The following ANKS1B variants were observed in gnomAD, a reference collection of about 807,000 sequenced individuals.
ANKS1B encodes ankyrin repeat and sterile alpha motif domain containing 1B.
A neutral mutation model predicts 148.3 loss-of-function variants in ANKS1B; 36 were observed. The ratio of observed to expected loss-of-function variants is 0.24; its 90% CI spans 0.19 to 0.32. ANKS1B has a LOEUF of 0.32. Among genes scored for constraint, ANKS1B ranks in the 10% least tolerant of loss-of-function variants. ANKS1B has a pLI of 1.00. For synonymous variants in ANKS1B, 542 were observed against 560.8 expected, an observed-to-expected ratio of 0.97 and a Z score of 0.47; for missense variants, 1,157 against 1,542.6, an observed-to-expected ratio of 0.75 and a Z score of 4.19.
intron 14 of ANKS1B, among the ~76,000 whole-genome samples, chr12:99,228,455 T>C (rs1044359660): frequency 6.6e-6 from 1 of 152,048 alleles, no homozygotes; most frequent in Non-Finnish European, 1.5e-5. Flanking sequence ...TCTATCTGTA[T>C]GTGATTGAAT....
chr12:99,241,341 A>C (rs1394396714), intron 14 of ANKS1B, among the ~76,000 whole-genome samples: 1 of 152,212 alleles, frequency 6.6e-6, no homozygotes, highest in Non-Finnish European at 1.5e-5. Flanking sequence ...TCCCAAGACT[A>C]AACCAGGAAG....
intron 12 of ANKS1B, among the ~76,000 whole-genome samples, chr12:99,311,513 T>C (rs2083172729): frequency 1.3e-5 from 2 of 152,132 alleles, no homozygotes; most frequent in Admixed American, 1.3e-4. Context: ...CAAGTATCAA[T>C]ATAGAAGTAA....
At chr12:99,861,441 T>C (rs2089999504) in intron 1 of ANKS1B, among the ~76,000 whole-genome samples, 1 of 152,214 alleles carries the variant, frequency 6.6e-6, no homozygotes, top group Admixed American at 6.5e-5. Context: ...TGTAGAACTT[T>C]ATTCATTTTC....
Position 99,432,784 on chromosome 12 carries a change from A to G in ANKS1B, c.1575+10889T>C, listed in dbSNP as rs929970492. ...GAAGGGCTTTCCAGACAATTCAATG[A>G]TAAGTACAAAGAACCTAAGGCAGGA... On this transcript the variant is annotated intron_variant, in intron 11 of 26. Transcript: ENST00000683438. Among the ~76,000 whole-genome samples, 12 of 152,298 alleles carry G rather than the reference A, an allele frequency of 7.9e-5. 1 individual carries two copies. The highest frequency in any genetic ancestry group is 2.9e-4 in the African/African-American group (12 of 41,556).
chr12:98,744,414 G>T lies in ANKS1B; in HGVS notation c.*1325C>A. ...GACAATTCCACAATTTATCAATATC[G>T]CTATAATGAACTTCAAAATGATTCA... On this transcript the variant is annotated 3_prime_UTR_variant, in exon 27 of 27. Transcript: ENST00000683438. 1 of 863,790 alleles carries T rather than the reference G, an allele frequency of 1.2e-6. No homozygotes were observed. The highest frequency in any genetic ancestry group is 1.4e-6 in the Non-Finnish European group (1 of 719,162). The allele number at this position is 863,790 out of a possible 1,614,324, so 53.5% of individuals were successfully genotyped here.
chr12:99,374,007 G>T (rs1202333517), intron 12 of ANKS1B, among the ~76,000 whole-genome samples: 3 of 152,298 alleles, frequency 2.0e-5, no homozygotes, highest in Non-Finnish European at 4.4e-5. Context: ...TGGATGCTTA[G>T]TGATGTATTT....
chr12:99,305,601 A>T (rs1462308973), intron 12 of ANKS1B, among the ~76,000 whole-genome samples: 1 of 152,126 alleles, frequency 6.6e-6, no homozygotes, highest in East Asian at 1.9e-4. Context: ...GAATCCCTGG[A>T]AATACAAATA....
rs536883706 is a variant in ANKS1B at position 99,270,057 on chromosome 12, TC to T, written c.1757-23194del. On this transcript the variant is annotated intron_variant, in intron 12 of 26. Coordinates refer to ENST00000683438, the MANE Select transcript of ANKS1B (RefSeq NM_001352186.2). The stretch of plus-strand genomic sequence containing the variant: ...ATATTAAAAAATTTAACAAACAGAG[TC>T]CCTTGATTAACAGAGACTGGAGTGA... Among the ~76,000 whole-genome samples the T allele has an allele frequency of 3.2e-4, 49 of 152,056 alleles. No individual in the cohort carries two copies. The East Asian group carries it at 8.9e-3, about 28-fold the overall frequency.
At chr12:98,914,680 C>T (rs868588380) in intron 17 of ANKS1B, among the ~76,000 whole-genome samples, 12 of 152,086 alleles carry the variant, frequency 7.9e-5, no homozygotes, top group South Asian at 2.1e-4. Flanking sequence ...TTTTCTACAT[C>T]GGGGTGTTTG....
intron 9 of ANKS1B, among the ~76,000 whole-genome samples, chr12:99,522,615 A>G (rs915799688): frequency 3.3e-5 from 5 of 152,238 alleles, no homozygotes; most frequent in African/African-American, 1.2e-4. Context: ...AAAAGGTTCT[A>G]TGCTTCAGTA....
intron 17 of ANKS1B, among the ~76,000 whole-genome samples, chr12:98,834,787 A>G (rs1373791287): frequency 6.6e-6 from 1 of 152,240 alleles, no homozygotes; most frequent in African/African-American, 2.4e-5. Context: ...TATACGATCC[A>G]TAGAAATGCC....
At chr12:99,489,982 T>G (rs2096540183) in intron 10 of ANKS1B, among the ~76,000 whole-genome samples, 1 of 152,216 alleles carries the variant, frequency 6.6e-6, no homozygotes, top group South Asian at 2.1e-4. Flanking sequence ...CTAAATCTGA[T>G]AGTTAAATAT....
chr12:99,644,582 G>C (rs2098341217), intron 9 of ANKS1B, among the ~76,000 whole-genome samples: 1 of 152,210 alleles, frequency 6.6e-6, no homozygotes, highest in East Asian at 1.9e-4. Flanking sequence ...AATTCTTCTA[G>C]CTTCTACCCA....
intron 1 of ANKS1B, among the ~76,000 whole-genome samples, chr12:99,835,092 G>T (rs1201185129): frequency 6.6e-6 from 1 of 151,912 alleles, no homozygotes; most frequent in East Asian, 1.9e-4. Context: ...GGTCAAATGG[G>T]TCTATATCAG....
intron 1 of ANKS1B, among the ~76,000 whole-genome samples, chr12:99,840,006 TTCTAG>T (rs2085462745): frequency 1.3e-5 from 2 of 152,158 alleles, no homozygotes; most frequent in African/African-American, 4.8e-5. Flanking sequence ...GTTCTCATTG[TTCTAG>T]TCACTGACAA....
At chr12:99,731,065 C>G (rs1000204954) in intron 8 of ANKS1B, among the ~76,000 whole-genome samples, 2 of 150,444 alleles carry the variant, frequency 1.3e-5, no homozygotes, top group Non-Finnish European at 3.0e-5. Context: ...GCCTCCCTCC[C>G]AAATAGCTGG....
Position 99,351,352 on chromosome 12 carries a change from A to G in ANKS1B, c.1756+48279T>C, listed in dbSNP as rs914379887. On this transcript the variant is annotated intron_variant, in intron 12 of 26. Coordinates refer to ENST00000683438, the MANE Select transcript of ANKS1B (RefSeq NM_001352186.2). ...AATATTTTCTTGTAATTTTAAATTA[A>G]ACTTTTTGGGGGTGGTCTTTTATAA... Among the ~76,000 whole-genome samples, 3 of 152,164 alleles carry G rather than the reference A, an allele frequency of 2.0e-5. No individual in the cohort carries two copies. In the South Asian group the frequency reaches 6.2e-4, roughly 32 times the overall value.
intron 17 of ANKS1B, among the ~76,000 whole-genome samples, chr12:98,856,525 T>C (rs2099572613): frequency 1.3e-5 from 2 of 152,236 alleles, no homozygotes; most frequent in Non-Finnish European, 2.9e-5. Context: ...AAGACTGATT[T>C]GTTAACAAAC....
intron 8 of ANKS1B, among the ~76,000 whole-genome samples, chr12:99,754,142 A>C (rs138058880): frequency 0.012 from 1,810 of 152,264 alleles, 44 homozygotes; most frequent in African/African-American, 0.042. Context: ...CATAGGCTCA[A>C]AATAAAGGGA....
Sources: allele counts gnomAD v4.1 joint callset (sites outside exome capture counted in the v4.1 genomes callset), GRCh38; gene constraint gnomAD v4.1.1; transcripts MANE v1.5; gene names NCBI Gene and HGNC (gene_info 2026-07-23, HGNC 2026-07-21).